The following KEL variants were observed in gnomAD, a reference collection of about 807,000 sequenced individuals.
KEL encodes kell blood group glycoprotein.
In KEL, 96 loss-of-function variants were observed where a neutral mutation model predicts 99.5. The observed-to-expected ratio is 0.97, with a 90% CI of 0.82 to 1.14. The LOEUF (loss-of-function observed/expected upper bound fraction) is 1.14, where lower values mean the gene tolerates loss of function less well. KEL is among the 50% of genes most tolerant of loss of function. The pLI is 0.00. For synonymous variants in KEL, 355 were observed against 354.8 expected, an observed-to-expected ratio of 1.00 and a Z score of -0.01; for missense variants, 926 against 924.2, an observed-to-expected ratio of 1.00 and a Z score of -0.03.
At chr7:142,956,741 C>G (rs1239160743) in intron 6 of KEL, among the ~76,000 whole-genome samples, 1 of 152,192 alleles carries the variant, frequency 6.6e-6, no homozygotes, top group Non-Finnish European at 1.5e-5. Flanking sequence ...TGAGCCTCTC[C>G]TTAACCAGAT....
intron 6 of KEL, among the ~76,000 whole-genome samples, chr7:142,954,997 A>T (rs879840736): frequency 4.6e-5 from 7 of 152,220 alleles, no homozygotes; most frequent in Admixed American, 4.6e-4. Flanking sequence ...TCAAGTGATC[A>T]GACCATGCCC....
rs200178073 is a variant in KEL at position 142,953,800 on chromosome 7, C to A, written c.1073+8G>T. On this transcript the variant is annotated splice_region_variant and intron_variant, in intron 9 of 18. Coordinates refer to ENST00000355265, the MANE Select transcript of KEL (RefSeq NM_000420.3). ...TCCATGATCTCCCCAATCCCACCTG[C>A]GGCGAACCTCTGCTTTAGCAGCATC... 6.2e-7 allele frequency: 1 copy of A among 1,613,954 alleles called. No individual in the cohort carries two copies. Among genetic ancestry groups the A allele is most frequent in the Non-Finnish European group, 8.5e-7 (1 of 1,179,952 alleles).
intron 4 of KEL, among the ~76,000 whole-genome samples, chr7:142,959,290 G>C (rs562860935): frequency 9.8e-5 from 15 of 152,320 alleles, no homozygotes; most frequent in Admixed American, 8.5e-4. Context: ...GAATATGGAA[G>C]GAGGGGGAGG....
intron 9 of KEL, 50 bp from the exon 10 acceptor site, chr7:142,952,688 C>T: frequency 3.1e-6 from 5 of 1,608,168 alleles, no homozygotes; most frequent in Non-Finnish European, 4.2e-6. Context: ...TCTGGGGATG[C>T]TTCAAGAAGA....
rs369799431 is a variant in KEL at position 142,944,327 on chromosome 7, T to C, written c.1487A>G (p.Asn496Ser). 15 of 1,613,062 alleles carry C rather than the reference T, an allele frequency of 9.3e-6. No individual in the cohort carries two copies. Among genetic ancestry groups the C allele is most frequent in the South Asian group, 4.4e-5 (4 of 91,060 alleles). The change falls in exon 13 of 19, where the codon AAC (asparagine) becomes AGC (serine). Residue 496 changes from asparagine (N) to serine (S), a missense_variant. By Grantham distance (46) the Asn-to-Ser change is conservative (BLOSUM62 1). Coordinates refer to ENST00000355265, the MANE Select transcript of KEL (RefSeq NM_000420.3). ...CTGGAAAACACAGGGACCCACATCG[T>C]TGTATTCTTGTCGGGCCAGCTCTGG... ...LKPELARQEY[N>S]DIQLGSSFLQ...
intron 6 of KEL, among the ~76,000 whole-genome samples, chr7:142,957,508 A>G (rs577709209): frequency 6.6e-6 from 1 of 152,314 alleles, no homozygotes; most frequent in East Asian, 1.9e-4. Flanking sequence ...AGTTCCCTCT[A>G]GTAAAAATAA....
At position 142,942,410 on chromosome 7, in the gene KEL, T is replaced by C. The variant is rs1796382424; in HGVS notation, c.2037+24A>G. The C allele has an allele frequency of 3.9e-6, 6 of 1,520,302 alleles. No homozygotes were observed. In the East Asian group the frequency reaches 1.2e-4, roughly 30 times the overall value. The allele number at this position is 1,520,302 out of a possible 1,614,324, so 94.2% of individuals were successfully genotyped here. On this transcript the variant is annotated intron_variant, in intron 18 of 18. Transcript: ENST00000355265. ...CGTTCAACTGACATAAAGCAAGCTG[T>C]GGCGGGAGGTGGCCGCTGCCTACCT...
intron 1 of KEL, 139 bp from the exon 2 acceptor site, chr7:142,962,011 TC>T: frequency 6.2e-7 from 1 of 1,610,176 alleles, no homozygotes; most frequent in African/African-American, 1.3e-5. Context: ...GGAGCAGTGT[TC>T]CCAGATGGGC....
intron 6 of KEL, among the ~76,000 whole-genome samples, chr7:142,954,856 C>G (rs1796790530): frequency 6.6e-6 from 1 of 152,066 alleles, no homozygotes; most frequent in Non-Finnish European, 1.5e-5. Context: ...GGAACCTGTC[C>G]CAGGTACAAA....
chr7:142,946,817 C>T (rs1042227281), intron 10 of KEL, among the ~76,000 whole-genome samples: 1 of 152,204 alleles, frequency 6.6e-6, no homozygotes, highest in Non-Finnish European at 1.5e-5. Flanking sequence ...ACTGTAGCAT[C>T]TTGTAAAGAA....
intron 10 of KEL, among the ~76,000 whole-genome samples, chr7:142,949,737 G>A (rs1388902466): frequency 1.3e-5 from 2 of 151,736 alleles, no homozygotes; most frequent in East Asian, 1.9e-4. Flanking sequence ...ACAGTAGTCT[G>A]GACGAAGATA....
intron 4 of KEL, among the ~76,000 whole-genome samples, chr7:142,959,475 GCA>G (rs1796904629): frequency 6.6e-6 from 1 of 152,054 alleles, no homozygotes; most frequent in Non-Finnish European, 1.5e-5. Flanking sequence ...GAGAAAGGTA[GCA>G]ATAAGTGGGA....
At chr7:142,962,081 C>G (rs1278639980) in intron 1 of KEL, 123 bp downstream of exon 1, 1 of 1,612,962 alleles carries the variant, frequency 6.2e-7, no homozygotes, top group South Asian at 1.1e-5. Context: ...CATTACCTCC[C>G]TCTCTCCCCA....
intron 4 of KEL, 141 bp downstream of exon 4, chr7:142,960,787 C>T (rs2116687329): frequency 1.1e-6 from 1 of 910,658 alleles, no homozygotes; most frequent in Non-Finnish European, 1.9e-6. Context: ...CCCATCATCT[C>T]CAATCATCCA....
At chr7:142,960,607 T>C (rs1287550653) in intron 4 of KEL, among the ~76,000 whole-genome samples, 4 of 151,742 alleles carry the variant, frequency 2.6e-5, no homozygotes. Flanking sequence ...TTGGAGAGAA[T>C]GGAGTAATTA....
At chr7:142,958,117 T>TA in intron 5 of KEL, 144 bp from the exon 6 acceptor site, 1 of 1,304,786 alleles carries the variant, frequency 7.7e-7, no homozygotes, top group Non-Finnish European at 1.1e-6. Flanking sequence ...TATCCTTTTT[T>TA]ATCTGCCTTC....
chr7:142,962,320 G>C lies in KEL; in HGVS notation c.-114C>G. The C allele has an allele frequency of 8.3e-7, 1 of 1,204,722 alleles. No homozygotes were observed. Among genetic ancestry groups the C allele is most frequent in the Non-Finnish European group, 1.2e-6 (1 of 809,582 alleles). 74.6% of individuals were successfully genotyped at this position (1,204,722 alleles called of 1,614,324 possible). A position where few individuals can be genotyped will look rare whatever the true frequency, so the allele number is the denominator to read the frequency against. ...CCAGTTCCTTGATCCTGGAGAAGGG[G>C]CACTTCTGCTGCTCTTTCGCCTTGT... On this transcript the variant is annotated 5_prime_UTR_variant, in exon 1 of 19. Transcript: ENST00000355265.
At chr7:142,961,947 G>T (rs1796970005) in intron 1 of KEL, 75 bp from the exon 2 acceptor site, 1 of 1,597,904 alleles carries the variant, frequency 6.3e-7, no homozygotes, top group African/African-American at 1.3e-5. Flanking sequence ...GTTTTATCAG[G>T]CCATTTTGAT....
At chr7:142,945,212 C>G (rs763083360) in intron 11 of KEL, among the ~76,000 whole-genome samples, 1 of 152,224 alleles carries the variant, frequency 6.6e-6, no homozygotes, top group Non-Finnish European at 1.5e-5. Context: ...GCCTTCACAA[C>G]GTGAGTGTGT....
Sources: allele counts gnomAD v4.1 joint callset (sites outside exome capture counted in the v4.1 genomes callset), GRCh38; gene constraint gnomAD v4.1.1; transcripts MANE v1.5; gene names NCBI Gene and HGNC (gene_info 2026-07-23, HGNC 2026-07-21).